The following GRIK4 variants were observed in gnomAD, a reference collection of about 807,000 sequenced individuals.
The protein encoded by GRIK4 is glutamate receptor ionotropic, kainate 4.
In GRIK4, 40 loss-of-function variants were observed where a neutral mutation model predicts 104.9. The ratio of observed to expected loss-of-function variants is 0.38; its 90% CI spans 0.30 to 0.50. GRIK4 has a LOEUF of 0.50. Among genes scored for constraint, GRIK4 ranks in the 20% least tolerant of loss-of-function variants. The probability of loss-of-function intolerance (pLI) is 0.93; values close to 1 mark genes in which losing one functional copy is unlikely to be tolerated. For synonymous variants in GRIK4, 485 were observed against 524.9 expected, an observed-to-expected ratio of 0.92 and a Z score of 1.04; for missense variants, 1,047 against 1,308.1, an observed-to-expected ratio of 0.80 and a Z score of 3.08.
chr11:120,796,118 C>T (rs528094296), intron 3 of GRIK4, among the ~76,000 whole-genome samples: 52 of 151,032 alleles, frequency 3.4e-4, no homozygotes, highest in African/African-American at 1.1e-3. Flanking sequence ...TCACTGCAGG[C>T]TCTGCCTCCC....
intron 3 of GRIK4, among the ~76,000 whole-genome samples, chr11:120,663,199 C>T (rs1949849325): frequency 6.6e-6 from 1 of 152,160 alleles, no homozygotes; most frequent in Non-Finnish European, 1.5e-5. Context: ...GAGACCCCAC[C>T]CCATCTTTGC....
intron 3 of GRIK4, among the ~76,000 whole-genome samples, chr11:120,784,888 G>A (rs748995462): frequency 1.3e-5 from 2 of 152,116 alleles, no homozygotes; most frequent in African/African-American, 2.4e-5. Flanking sequence ...GTTCTCAACG[G>A]CATCTACCCC....
intron 3 of GRIK4, among the ~76,000 whole-genome samples, chr11:120,794,716 T>C (rs1952477548): frequency 6.6e-6 from 1 of 151,964 alleles, no homozygotes. Flanking sequence ...AGAAAAGGAA[T>C]TTTGGTTGTT....
At chr11:120,693,064 A>G (rs1950391940) in intron 3 of GRIK4, among the ~76,000 whole-genome samples, 1 of 151,464 alleles carries the variant, frequency 6.6e-6, no homozygotes, top group Non-Finnish European at 1.5e-5. Flanking sequence ...TTTTACGTAA[A>G]GAGGCTGTCT....
intron 1 of GRIK4, among the ~76,000 whole-genome samples, chr11:120,626,475 A>G (rs1949260814): frequency 6.6e-6 from 1 of 152,032 alleles, no homozygotes; most frequent in Non-Finnish European, 1.5e-5. Context: ...GTGTGTGGGG[A>G]GGTGAACTCT....
At chr11:120,870,635 G>T (rs1954580735) in intron 9 of GRIK4, 1 of 152,204 alleles carries the variant, frequency 6.6e-6, no homozygotes, top group Admixed American at 6.5e-5. Flanking sequence ...TGGACAAAGG[G>T]TACTGGGCCT....
chr11:120,676,140 A>C (rs946303395), intron 3 of GRIK4, among the ~76,000 whole-genome samples: 7 of 152,160 alleles, frequency 4.6e-5, no homozygotes, highest in Admixed American at 2.6e-4. Flanking sequence ...AGGCCGCTGC[A>C]TCCCCTGGCT....
At chr11:120,780,804 C>G (rs558683238) in intron 3 of GRIK4, among the ~76,000 whole-genome samples, 1 of 152,078 alleles carries the variant, frequency 6.6e-6, no homozygotes, top group Non-Finnish European at 1.5e-5. Flanking sequence ...TGCAGTGGCA[C>G]GATCTCAGCT....
intron 1 of GRIK4, among the ~76,000 whole-genome samples, chr11:120,565,158 G>A (rs1261893810): frequency 5.3e-5 from 8 of 152,198 alleles, no homozygotes; most frequent in Non-Finnish European, 1.5e-5. Context: ...GGGGAGCGCT[G>A]TGCCTGCTCT....
chr11:120,769,873 T>C (rs1239002626), intron 3 of GRIK4, among the ~76,000 whole-genome samples: 1 of 152,202 alleles, frequency 6.6e-6, no homozygotes, highest in African/African-American at 2.4e-5. Flanking sequence ...TGCTCCATGG[T>C]GGACAAAGCC....
At chr11:120,856,834 C>G (rs1954115388) in intron 8 of GRIK4, among the ~76,000 whole-genome samples, 5 of 152,184 alleles carry the variant, frequency 3.3e-5, no homozygotes, top group Admixed American at 2.0e-4. Context: ...GTGCTTTTAG[C>G]TGTAGTTGAC....
chr11:120,773,588 A>G (rs1437117194), intron 3 of GRIK4, among the ~76,000 whole-genome samples: 1 of 152,148 alleles, frequency 6.6e-6, no homozygotes, highest in Non-Finnish European at 1.5e-5. Context: ...TTTGGATTTT[A>G]TTGTTCAAGG....
At chr11:120,684,499 A>G in intron 3 of GRIK4, among the ~76,000 whole-genome samples, 1 of 152,252 alleles carries the variant, frequency 6.6e-6, no homozygotes, top group Non-Finnish European at 1.5e-5. Flanking sequence ...TGGAGACAAT[A>G]CGAACACACA....
intron 8 of GRIK4, among the ~76,000 whole-genome samples, chr11:120,846,560 G>A (rs1403238918): frequency 1.3e-5 from 2 of 152,218 alleles, no homozygotes; most frequent in Non-Finnish European, 2.9e-5. Flanking sequence ...TGGAGCAGGA[G>A]AGTGTGATGG....
intron 1 of GRIK4, among the ~76,000 whole-genome samples, chr11:120,556,082 T>A (rs551623803): frequency 3.3e-4 from 50 of 152,226 alleles, no homozygotes; most frequent in South Asian, 2.1e-4. Context: ...GAGGGAATGA[T>A]CACCTGGTAG....
At chr11:120,721,808 G>T (rs1391415721) in intron 3 of GRIK4, among the ~76,000 whole-genome samples, 1 of 152,158 alleles carries the variant, frequency 6.6e-6, no homozygotes, top group Non-Finnish European at 1.5e-5. Context: ...CCTGGGAGGG[G>T]CAGTCTCTCC....
chr11:120,576,393 G>C (rs138844847), intron 1 of GRIK4: 1 of 152,160 alleles, frequency 6.6e-6, no homozygotes, highest in Admixed American at 6.5e-5. Flanking sequence ...GCCAGGTGAC[G>C]CTAGACTTCA....
intron 11 of GRIK4, among the ~76,000 whole-genome samples, chr11:120,893,865 C>G (rs1942489861): frequency 6.6e-6 from 1 of 152,192 alleles, no homozygotes; most frequent in Non-Finnish European, 1.5e-5. Flanking sequence ...CACTGTTAAT[C>G]TCTGCACCCT....
chr11:120,906,759 A>T (rs1307202557), intron 13 of GRIK4, among the ~76,000 whole-genome samples: 1 of 152,214 alleles, frequency 6.6e-6, no homozygotes, highest in African/African-American at 2.4e-5. Flanking sequence ...GAGGGAGGAT[A>T]CTTCAGGAGT....
Sources: gnomAD v4.1 joint callset for allele counts (sites outside exome capture counted in the v4.1 genomes callset) on GRCh38, gnomAD v4.1.1 for gene constraint, MANE v1.5 for transcripts, NCBI Gene and HGNC (gene_info 2026-07-23, HGNC 2026-07-21) for gene names.